Variants in VDAC1 observed in about 807,000 individuals in gnomAD.
VDAC1 encodes voltage dependent anion channel 1, also known as non-selective voltage-gated ion channel VDAC1.
VDAC1 carries 10 observed loss-of-function variants against 34.7 expected under a neutral mutation model. The observed-to-expected ratio is 0.29, with a 90% CI of 0.18 to 0.49. The LOEUF (loss-of-function observed/expected upper bound fraction) is 0.49. Ranked by LOEUF, VDAC1 falls within the 20% of genes least tolerant of loss-of-function variation. The pLI is 0.99. For missense variants in VDAC1, 230 were observed against 347.9 expected (o/e 0.66, Z 2.69); for synonymous variants, 130 against 136.0 (o/e 0.96, Z 0.30).
chr5:134,056,602 C>A, the VDAC1 span, among the ~76,000 whole-genome samples: 1 of 152,016 alleles, frequency 6.6e-6, no homozygotes, highest in Non-Finnish European at 1.5e-5. Context: ...ACTGCACCAG[C>A]CCCAGTGAAC....
chr5:134,060,502 T>C, the VDAC1 span, among the ~76,000 whole-genome samples: 3 of 151,960 alleles, frequency 2.0e-5, no homozygotes, highest in East Asian at 5.8e-4. Context: ...TGAATAGACA[T>C]ATTTTGCCTT....
the VDAC1 span, among the ~76,000 whole-genome samples, chr5:134,021,394 G>A: frequency 6.7e-6 from 1 of 150,232 alleles, no homozygotes; most frequent in African/African-American, 2.5e-5. Flanking sequence ...GTGTCCAAGT[G>A]TTCTCATTGC....
the VDAC1 span, among the ~76,000 whole-genome samples, chr5:134,109,945 T>C: frequency 6.6e-6 from 1 of 152,154 alleles, no homozygotes; most frequent in Admixed American, 6.5e-5. Context: ...CCCGGCAGCC[T>C]AGGACCTGGC....
At chr5:133,981,642 G>T (rs572189325) in intron 5 of VDAC1, among the ~76,000 whole-genome samples, 21 of 152,190 alleles carry the variant, frequency 1.4e-4, no homozygotes, top group Non-Finnish European at 2.1e-4. Flanking sequence ...AAGCAGTTCA[G>T]TGTCTCTACT....
At chr5:134,100,478 G>A in the VDAC1 span, among the ~76,000 whole-genome samples, 2 of 152,168 alleles carry the variant, frequency 1.3e-5, no homozygotes, top group East Asian at 1.9e-4. Context: ...ACAGACAGGG[G>A]GTCCTGCCTG....
At chr5:133,975,157 A>T (rs1752428611) in intron 7 of VDAC1, among the ~76,000 whole-genome samples, 2 of 152,234 alleles carry the variant, frequency 1.3e-5, no homozygotes, top group South Asian at 4.1e-4. Flanking sequence ...AGTCCCAGCT[A>T]CTTGGGAGGC....
At chr5:134,077,477 G>T in the VDAC1 span, among the ~76,000 whole-genome samples, 37 of 152,276 alleles carry the variant, frequency 2.4e-4, no homozygotes, top group African/African-American at 8.2e-4. Flanking sequence ...TACTCCTCAG[G>T]AGAGAGGGAT....
At chr5:134,008,879 G>A (rs1377992142), upstream of VDAC1, among the ~76,000 whole-genome samples, 1 of 152,220 alleles carries the variant, frequency 6.6e-6, no homozygotes, top group Non-Finnish European at 1.5e-5. Flanking sequence ...GAACTCCTCA[G>A]ACTAGAGTCT....
the VDAC1 span, among the ~76,000 whole-genome samples, chr5:134,106,674 G>A: frequency 6.6e-6 from 1 of 152,122 alleles, no homozygotes; most frequent in Non-Finnish European, 1.5e-5. Flanking sequence ...ACAAAGTGCT[G>A]GGATTACAGG....
the VDAC1 span, among the ~76,000 whole-genome samples, chr5:134,031,127 A>G: frequency 2.0e-5 from 3 of 152,084 alleles, no homozygotes; most frequent in Admixed American, 6.6e-5. Flanking sequence ...GGGATCATTA[A>G]CCTTGGAAGA....
At chr5:133,979,304 C>T (rs1752595902) in intron 6 of VDAC1, among the ~76,000 whole-genome samples, 1 of 152,104 alleles carries the variant, frequency 6.6e-6, no homozygotes, top group Non-Finnish European at 1.5e-5. Flanking sequence ...AAACACTTCC[C>T]ATGCCAATCA....
the VDAC1 span, among the ~76,000 whole-genome samples, chr5:134,059,605 C>T: frequency 6.6e-6 from 1 of 152,192 alleles, no homozygotes; most frequent in East Asian, 1.9e-4. Flanking sequence ...GGCCTCTGAG[C>T]ATCAGCACAC....
the VDAC1 span, among the ~76,000 whole-genome samples, chr5:134,039,921 G>C: frequency 1.3e-5 from 2 of 152,096 alleles, no homozygotes; most frequent in African/African-American, 2.4e-5. Context: ...CTGCAGTCTG[G>C]AACGCAGACA....
intron 1 of VDAC1, among the ~76,000 whole-genome samples, chr5:133,996,053 G>A (rs1031226126): frequency 2.0e-5 from 3 of 152,242 alleles, no homozygotes; most frequent in South Asian, 2.1e-4. Context: ...TAGAGGCTGC[G>A]CATGAAGCAG....
chr5:134,000,230 G>C (rs576745325), intron 1 of VDAC1, among the ~76,000 whole-genome samples: 3 of 152,320 alleles, frequency 2.0e-5, no homozygotes, highest in Non-Finnish European at 4.4e-5. Context: ...CCTGTGTTCT[G>C]GTAGCAGGTC....
At chr5:134,046,993 G>T in the VDAC1 span, among the ~76,000 whole-genome samples, 2 of 152,182 alleles carry the variant, frequency 1.3e-5, no homozygotes, top group Non-Finnish European at 2.9e-5. Context: ...ACCCTGCCCA[G>T]AGACACACCC....
At chr5:133,977,266 C>T (rs899174863) in intron 6 of VDAC1, among the ~76,000 whole-genome samples, 3 of 152,172 alleles carry the variant, frequency 2.0e-5, no homozygotes, top group Non-Finnish European at 4.4e-5. Context: ...CAATTCATCT[C>T]GTCCACCTGT....
the VDAC1 span, among the ~76,000 whole-genome samples, chr5:134,083,291 C>A: frequency 5.3e-5 from 8 of 150,498 alleles, no homozygotes; most frequent in African/African-American, 4.9e-5. Context: ...TGGGTTCAAG[C>A]GATTCTCGTG....
chr5:134,004,539 G>C (rs556294022), intron 1 of VDAC1: 1 of 152,574 alleles, frequency 6.6e-6, no homozygotes, highest in Non-Finnish European at 1.5e-5. Context: ...CGGGCTGCCG[G>C]GGCCCCTCGC....
Sources: gnomAD v4.1 joint callset for allele counts (sites outside exome capture counted in the v4.1 genomes callset) on GRCh38, gnomAD v4.1.1 for gene constraint, MANE v1.5 for transcripts, NCBI Gene and HGNC (gene_info 2026-07-23, HGNC 2026-07-21) for gene names.